The following SEMA3D variants were observed in gnomAD, a reference collection of about 807,000 sequenced individuals.
The protein encoded by SEMA3D is semaphorin 3D.
A neutral mutation model predicts 100.1 loss-of-function variants in SEMA3D; 84 were observed. The ratio of observed to expected loss-of-function variants is 0.84; its 90% confidence interval spans 0.70 to 1.01. SEMA3D has a LOEUF of 1.01. Among genes scored for constraint, SEMA3D ranks in the 50% least tolerant of loss-of-function variants. The probability of loss-of-function intolerance (pLI) is 0.00; values close to 1 mark genes in which losing one functional copy is unlikely to be tolerated. For synonymous variants in SEMA3D, 312 were observed against 320.7 expected (o/e 0.97, Z 0.29); for missense variants, 875 against 934.1 (o/e 0.94, Z 0.82).
chr7:85,033,151 A>G (rs531845905), intron 12 of SEMA3D, among the ~76,000 whole-genome samples: 2 of 152,290 alleles, frequency 1.3e-5, no homozygotes, highest in African/African-American at 4.8e-5. Flanking sequence ...GATGGTTTAG[A>G]TGCAGGCTAT....
intron 8 of SEMA3D, among the ~76,000 whole-genome samples, chr7:85,061,857 T>A (rs1228098153): frequency 6.6e-6 from 1 of 152,186 alleles, no homozygotes. Context: ...GAATGGCTGC[T>A]TGCACTTTCC....
At position 84,999,473 on chromosome 7, in the gene SEMA3D, G is replaced by T. The variant is rs773476118; in HGVS notation, c.2301C>A (p.Asp767Glu). 3 of 1,614,018 alleles carry T rather than the reference G, an allele frequency of 1.9e-6. No individual in the cohort carries two copies. The highest frequency in any genetic ancestry group is 1.7e-5 in the Admixed American group (1 of 59,980). ...CTACAGCTCTAGGGAGCTCATCCAG[G>T]TCTCTGTGATGTCTTCGATTTCGTT... ...KKKRNRRHHR[D>E]LDELPRAVAT Residue 767 changes from aspartate to glutamate, a missense_variant, in exon 19 of 19, where the codon GAC (aspartate) becomes GAA (glutamate). By Grantham distance (45) the Asp-to-Glu change is conservative. Coordinates refer to ENST00000284136, the MANE Select transcript of SEMA3D (RefSeq NM_001384900.1).
chr7:85,005,760 C>T (rs1789778857), intron 18 of SEMA3D, among the ~76,000 whole-genome samples: 1 of 151,908 alleles, frequency 6.6e-6, no homozygotes, highest in South Asian at 2.1e-4. Flanking sequence ...ACCAGGGGCA[C>T]CCACTTGGCC....
At chr7:85,096,314 A>G (rs1218869593) in intron 4 of SEMA3D, among the ~76,000 whole-genome samples, 1 of 151,970 alleles carries the variant, frequency 6.6e-6, no homozygotes, top group Non-Finnish European at 1.5e-5. Context: ...AATGGAATGG[A>G]GCTATAATTT....
intron 2 of SEMA3D, among the ~76,000 whole-genome samples, chr7:85,149,285 T>C (rs1790298962): frequency 6.6e-6 from 1 of 151,584 alleles, no homozygotes; most frequent in Non-Finnish European, 1.5e-5. Flanking sequence ...CCTCCCCAAA[T>C]AAATAAGTAA....
At chr7:85,094,544 C>A (rs909504919) in intron 4 of SEMA3D, among the ~76,000 whole-genome samples, 4 of 152,000 alleles carry the variant, frequency 2.6e-5, no homozygotes, top group East Asian at 3.9e-4. Context: ...TCCCACTGGG[C>A]TGATTCCAAG....
intron 2 of SEMA3D, among the ~76,000 whole-genome samples, chr7:85,148,616 T>C (rs1790280216): frequency 6.6e-6 from 1 of 152,202 alleles, no homozygotes; most frequent in Non-Finnish European, 1.5e-5. Flanking sequence ...ACCCCCAGGT[T>C]TCTTTGCAGT....
intron 2 of SEMA3D, chr7:85,141,256 G>A (rs1790043590): frequency 1.0e-6 from 1 of 984,342 alleles, no homozygotes; most frequent in Non-Finnish European, 1.2e-6. Context: ...AGAGGGACAA[G>A]TTCAAGTTAT....
chr7:85,216,798 A>G, the SEMA3D span, among the ~76,000 whole-genome samples: 3 of 151,920 alleles, frequency 2.0e-5, no homozygotes, highest in South Asian at 4.1e-4. Flanking sequence ...ATTGTAATTT[A>G]TTGAATTTTT....
intron 12 of SEMA3D, among the ~76,000 whole-genome samples, chr7:85,030,404 T>C (rs1226033525): frequency 6.6e-6 from 1 of 152,004 alleles, no homozygotes; most frequent in Non-Finnish European, 1.5e-5. Flanking sequence ...GAAATCCACG[T>C]GTAAGCTTTC....
At chr7:85,133,085 TA>T (rs997605299) in intron 2 of SEMA3D, among the ~76,000 whole-genome samples, 6 of 151,830 alleles carry the variant, frequency 4.0e-5, no homozygotes, top group African/African-American at 7.2e-5. Flanking sequence ...CACATATTTA[TA>T]AAAAAAACCT....
At chr7:85,222,312 A>G in the SEMA3D span, among the ~76,000 whole-genome samples, 3 of 151,272 alleles carry the variant, frequency 2.0e-5, no homozygotes, top group African/African-American at 7.4e-5. Flanking sequence ...TGAAAAAAAA[A>G]TCCAAGCTGG....
chr7:85,018,270 C>T lies in SEMA3D; in HGVS notation c.1527G>A (p.Met509Ile), dbSNP rs764909032. The stretch of plus-strand genomic sequence containing the variant: ...AAAGTACCTGCTTCAGAGACAATTC[C>T]ATGTTCAAGATGATTGATGAGTGCT... ...IFKHSSIILN[M>I]ELSLKQQQLY... The change falls in exon 15 of 19, where the codon ATG becomes ATA. Residue 509 changes from methionine (M) to isoleucine (I), a missense_variant. Coordinates refer to ENST00000284136, the MANE Select transcript of SEMA3D (RefSeq NM_001384900.1). 56 of 1,596,194 alleles carry T rather than the reference C, an allele frequency of 3.5e-5. No individual in the cohort carries two copies. The highest frequency in any genetic ancestry group is 4.6e-5 in the Non-Finnish European group (54 of 1,165,368).
chr7:85,136,828 C>T (rs1026403801), intron 2 of SEMA3D, among the ~76,000 whole-genome samples: 1 of 152,042 alleles, frequency 6.6e-6, no homozygotes, highest in Non-Finnish European at 1.5e-5. Flanking sequence ...GCAAAGGGAA[C>T]ATGAACAGGG....
At chr7:85,099,365 CTT>C (rs772573262) in intron 3 of SEMA3D, among the ~76,000 whole-genome samples, 4 of 151,936 alleles carry the variant, frequency 2.6e-5, no homozygotes, top group African/African-American at 7.2e-5. Context: ...CTCATTCTCT[CTT>C]GTCTGCCACC....
At chr7:85,037,926 T>C (rs1020049034) in intron 11 of SEMA3D, among the ~76,000 whole-genome samples, 2 of 151,890 alleles carry the variant, frequency 1.3e-5, no homozygotes, top group African/African-American at 2.4e-5. Flanking sequence ...AATCTTAGCA[T>C]TTCCCACCTA....
At chr7:85,190,548 T>G (rs182310267), upstream of SEMA3D, among the ~76,000 whole-genome samples, 1 of 152,100 alleles carries the variant, frequency 6.6e-6, no homozygotes, top group Non-Finnish European at 1.5e-5. Flanking sequence ...TCCAGGTATT[T>G]TTTTCCATCT....
chr7:85,079,671 C>T (rs1053563922), intron 5 of SEMA3D, among the ~76,000 whole-genome samples: 33 of 152,328 alleles, frequency 2.2e-4, no homozygotes, highest in Admixed American at 2.1e-3. Context: ...TTGACCTTGA[C>T]TGTTTATCCC....
intron 7 of SEMA3D, among the ~76,000 whole-genome samples, chr7:85,066,347 A>AG (rs1045366731): frequency 1.3e-5 from 2 of 151,808 alleles, no homozygotes; most frequent in African/African-American, 4.8e-5. Context: ...TAAGAGGAAG[A>AG]GGGGGAAAAG....
Sources: allele counts gnomAD v4.1 joint callset (sites outside exome capture counted in the v4.1 genomes callset), GRCh38; gene constraint gnomAD v4.1.1; transcripts MANE v1.5; gene names NCBI Gene and HGNC (gene_info 2026-07-23, HGNC 2026-07-21).